The following PTPRT variants were observed in gnomAD, a reference collection of about 807,000 sequenced individuals.
The protein encoded by PTPRT is protein tyrosine phosphatase receptor type T, also known as receptor-type tyrosine-protein phosphatase T.
Under a neutral mutation model 176.8 loss-of-function variants are expected in PTPRT, and 56 were observed. The observed-to-expected ratio is 0.32, with a 90% CI of 0.26 to 0.40. The LOEUF is 0.40. PTPRT is among the 10% of genes least tolerant of loss of function. The pLI is 1.00. For synonymous variants in PTPRT, 783 were observed against 739.0 expected (o/e 1.06, Z -0.96); for missense variants, 1,540 against 1,908.2 (o/e 0.81, Z 3.60).
intron 7 of PTPRT, among the ~76,000 whole-genome samples, chr20:42,574,640 A>G (rs1006671734): frequency 1.3e-5 from 2 of 152,128 alleles, no homozygotes; most frequent in Non-Finnish European, 2.9e-5. Flanking sequence ...TCGGGTGGAC[A>G]GAAAGGCTTC....
chr20:43,052,004 A>G (rs1309742481), intron 1 of PTPRT, among the ~76,000 whole-genome samples: 2 of 152,244 alleles, frequency 1.3e-5, no homozygotes, highest in Non-Finnish European at 2.9e-5. Flanking sequence ...ATGTGAATGA[A>G]TGAAAAATTC....
At chr20:42,373,403 A>C (rs74992455) in intron 9 of PTPRT, among the ~76,000 whole-genome samples, 12,118 of 152,176 alleles carry the variant, frequency 0.08, 497 homozygotes, top group Middle Eastern at 0.14. Context: ...GTGCTTTCTA[A>C]ATATTTAGAT....
intron 8 of PTPRT, among the ~76,000 whole-genome samples, chr20:42,452,581 A>C (rs182166683): frequency 2.6e-5 from 4 of 152,194 alleles, no homozygotes; most frequent in African/African-American, 9.6e-5. Context: ...AGCAGAATAG[A>C]GAGATGAAAA....
intron 11 of PTPRT, among the ~76,000 whole-genome samples, chr20:42,328,476 T>C (rs1233091774): frequency 6.6e-6 from 1 of 152,092 alleles, no homozygotes; most frequent in Admixed American, 6.6e-5. Context: ...GATCATTTAC[T>C]GCAGGTACAC....
At chr20:43,042,292 C>A (rs1362496351) in intron 1 of PTPRT, among the ~76,000 whole-genome samples, 1 of 152,164 alleles carries the variant, frequency 6.6e-6, no homozygotes, top group African/African-American at 2.4e-5. Flanking sequence ...AGAGGCTCTG[C>A]AAAGCCTGTA....
chr20:42,943,090 AC>A (rs1476533683), intron 1 of PTPRT, among the ~76,000 whole-genome samples: 4 of 152,166 alleles, frequency 2.6e-5, no homozygotes, highest in African/African-American at 9.7e-5. Flanking sequence ...TTAGATCAAA[AC>A]CCAAACGCAA....
At chr20:43,102,276 C>CACA (rs1778636839) in intron 1 of PTPRT, among the ~76,000 whole-genome samples, 2 of 127,450 alleles carry the variant, frequency 1.6e-5, no homozygotes, top group South Asian at 4.9e-4. Context: ...GTCTCTTTCA[C>CACA]TCACACATCA....
At chr20:42,392,571 G>T (rs1254981834) in intron 9 of PTPRT, among the ~76,000 whole-genome samples, 1 of 152,180 alleles carries the variant, frequency 6.6e-6, no homozygotes, top group Non-Finnish European at 1.5e-5. Context: ...ACAGAGTCAG[G>T]CAGAACTAGC....
At chr20:42,043,571 A>T in the PTPRT span, among the ~76,000 whole-genome samples, 1 of 152,160 alleles carries the variant, frequency 6.6e-6, no homozygotes, top group Non-Finnish European at 1.5e-5. Context: ...TACAGCTACA[A>T]GGTAGTGGAG....
chr20:42,729,950 C>A (rs2076435871), intron 6 of PTPRT, among the ~76,000 whole-genome samples: 1 of 152,192 alleles, frequency 6.6e-6, no homozygotes. Flanking sequence ...GGATGATAAC[C>A]TCTGCCATAT....
At chr20:42,799,609 A>T (rs886496222) in intron 2 of PTPRT, among the ~76,000 whole-genome samples, 4 of 152,224 alleles carry the variant, frequency 2.6e-5, no homozygotes, top group African/African-American at 9.6e-5. Context: ...CATAAACTGT[A>T]AAACATAAGG....
At chr20:42,948,640 TAA>T (rs1981037067) in intron 1 of PTPRT, among the ~76,000 whole-genome samples, 1 of 152,108 alleles carries the variant, frequency 6.6e-6, no homozygotes, top group African/African-American at 2.4e-5. Flanking sequence ...AGTGAAGAGA[TAA>T]GACAGAGAGA....
intron 22 of PTPRT, among the ~76,000 whole-genome samples, chr20:42,112,816 C>G (rs564213231): frequency 2.0e-5 from 3 of 152,188 alleles, no homozygotes; most frequent in Non-Finnish European, 4.4e-5. Flanking sequence ...GGCAGACAGT[C>G]CTGTTAGGAG....
chr20:42,053,613 C>T, the PTPRT span, among the ~76,000 whole-genome samples: 18 of 152,254 alleles, frequency 1.2e-4, no homozygotes, highest in Non-Finnish European at 2.1e-4. Context: ...TGGAGGAGAG[C>T]TTGGAGCTGC....
intron 1 of PTPRT, among the ~76,000 whole-genome samples, chr20:42,996,754 A>G (rs1984243582): frequency 6.6e-6 from 1 of 152,220 alleles, no homozygotes; most frequent in Non-Finnish European, 1.5e-5. Context: ...GAGACTCCAG[A>G]GGCTGAGTTT....
chr20:42,296,328 C>A (rs1452086132), intron 12 of PTPRT, among the ~76,000 whole-genome samples: 1 of 151,968 alleles, frequency 6.6e-6, no homozygotes, highest in Non-Finnish European at 1.5e-5. Context: ...TGCCTGTAAT[C>A]CCAGCTACTC....
chr20:42,950,778 C>A (rs529441202), intron 1 of PTPRT, among the ~76,000 whole-genome samples: 1 of 152,322 alleles, frequency 6.6e-6, no homozygotes, highest in South Asian at 2.1e-4. Flanking sequence ...CCCCAAAGTG[C>A]AAGTGGCTTT....
intron 2 of PTPRT, among the ~76,000 whole-genome samples, chr20:42,855,285 A>T (rs2078541323): frequency 6.6e-6 from 1 of 152,152 alleles, no homozygotes; most frequent in Admixed American, 6.6e-5. Context: ...CTCCATCTTC[A>T]AAGTTGACTG....
At chr20:42,684,098 A>C (rs1287155666) in intron 6 of PTPRT, among the ~76,000 whole-genome samples, 1 of 152,180 alleles carries the variant, frequency 6.6e-6, no homozygotes. Flanking sequence ...CATTCCTGTA[A>C]TCCCAGCACA....
Sources: allele counts gnomAD v4.1 joint callset (sites outside exome capture counted in the v4.1 genomes callset), GRCh38; gene constraint gnomAD v4.1.1; transcripts MANE v1.5; gene names NCBI Gene and HGNC (gene_info 2026-07-23, HGNC 2026-07-21).